CWF19L1: variants seen among roughly 807,000 people sequenced by gnomAD.
CWF19L1 encodes CWF19 like cell cycle control factor 1, also known as CWF19-like protein 1.
In CWF19L1, 60 loss-of-function variants were observed where a neutral mutation model predicts 69.7. The ratio of observed to expected loss-of-function variants is 0.86; its 90% confidence interval spans 0.70 to 1.07. The LOEUF is 1.07. CWF19L1 is among the 50% of genes least tolerant of loss of function. CWF19L1 has a pLI of 0.00. For synonymous variants in CWF19L1, 209 were observed against 222.2 expected (o/e 0.94, Z 0.53); for missense variants, 591 against 638.9 (o/e 0.92, Z 0.81).
intron 7 of CWF19L1, chr10:100,248,633 T>G: frequency 1.3e-6 from 1 of 764,016 alleles, no homozygotes; most frequent in Admixed American, 1.8e-5. Flanking sequence ...ACTACTGAGA[T>G]CCTCAAGTCA....
In CWF19L1 at chr10:100,267,611, G is replaced by A. The variant is rs2134336225; in HGVS notation, c.-18C>T. ...TGTGCCATCTGTCCGAATAGTATGG[G>A]TTGCGACTGCCACCTAAAATTGGGA... On this transcript the variant is annotated 5_prime_UTR_variant, in exon 1 of 14. Transcript: ENST00000354105. The A allele has an allele frequency of 6.2e-7, 1 of 1,614,172 alleles. No individual in the cohort carries two copies. Among genetic ancestry groups the A allele is most frequent in the Non-Finnish European group, 8.5e-7 (1 of 1,180,020 alleles).
chr10:100,258,493 T>C (rs1847285761), intron 4 of CWF19L1: 1 of 152,182 alleles, frequency 6.6e-6, no homozygotes, highest in Admixed American at 6.5e-5. Flanking sequence ...TACCAAGAAC[T>C]GCATAAGTCA....
intron 10 of CWF19L1, among the ~76,000 whole-genome samples, chr10:100,242,932 A>G (rs1846683174): frequency 6.6e-6 from 1 of 152,204 alleles, no homozygotes; most frequent in South Asian, 2.1e-4. Flanking sequence ...AGAGAGGAAA[A>G]GAGAGCTATC....
chr10:100,237,998 A>AGTTTCTATG, intron 11 of CWF19L1, 24 bp downstream of exon 11: 1 of 1,608,366 alleles, frequency 6.2e-7, no homozygotes. Context: ...CGCCCTTCCA[A>AGTTTCTATG]GTTTCTATGA....
intron 4 of CWF19L1, among the ~76,000 whole-genome samples, chr10:100,257,029 T>C (rs1456095730): frequency 2.0e-5 from 3 of 152,148 alleles, no homozygotes; most frequent in Non-Finnish European, 4.4e-5. Context: ...AACAAGTGTT[T>C]AGGAAAAATT....
intron 1 of CWF19L1, chr10:100,262,475 A>AGGAGGG (rs1335172638): frequency 1.0e-6 from 1 of 985,210 alleles, no homozygotes; most frequent in Non-Finnish European, 1.2e-6. Context: ...CTATCTTAGT[A>AGGAGGG]CAGGGCTTCA....
At chr10:100,248,986 G>A in intron 7 of CWF19L1, 2 of 679,726 alleles carry the variant, frequency 2.9e-6, no homozygotes, top group Non-Finnish European at 5.4e-6. Context: ...GCTGGAAGCT[G>A]TGGAGGACAT....
chr10:100,257,154 C>G (rs1320071558), intron 4 of CWF19L1, among the ~76,000 whole-genome samples: 1 of 152,196 alleles, frequency 6.6e-6, no homozygotes, highest in Non-Finnish European at 1.5e-5. Flanking sequence ...TCTACTGAGT[C>G]TACTCAGCTG....
At chr10:100,261,488 C>T (rs985640699) in intron 2 of CWF19L1, among the ~76,000 whole-genome samples, 1 of 152,212 alleles carries the variant, frequency 6.6e-6, no homozygotes, top group Admixed American at 6.5e-5. Flanking sequence ...ACATTTCCTG[C>T]CTGTTGTCTT....
chr10:100,264,379 A>T lies in CWF19L1; in HGVS notation c.24-2316T>A, dbSNP rs1048270325. 7.9e-5 allele frequency among the ~76,000 whole-genome samples: 12 copies of T among 151,988 alleles called. No homozygotes were observed. In the East Asian group the frequency reaches 2.3e-3, roughly 29 times the overall value. ...GTTAACACAGTGAAACCTCATCTCT[A>T]CTAAAAATACAAAAAATTAGCCGGG... On this transcript the variant is annotated intron_variant, in intron 1 of 13. Coordinates refer to ENST00000354105, the MANE Select transcript of CWF19L1 (RefSeq NM_018294.6).
At chr10:100,243,080 A>G (rs1589615562) in intron 10 of CWF19L1, among the ~76,000 whole-genome samples, 1 of 152,356 alleles carries the variant, frequency 6.6e-6, no homozygotes, top group African/African-American at 2.4e-5. Context: ...AGTTAAACAT[A>G]AATTTACTAT....
In CWF19L1 at chr10:100,250,340, A is replaced by G. The variant is rs1846983900; in HGVS notation, c.624-8T>C. 4 of 1,589,488 alleles carry G rather than the reference A, an allele frequency of 2.5e-6. No homozygotes were observed. The highest frequency in any genetic ancestry group is 1.1e-5 in the South Asian group (1 of 90,512). On this transcript the variant is annotated splice_region_variant and splice_polypyrimidine_tract_variant and intron_variant, in intron 6 of 13. Transcript: ENST00000354105. ...TGTAGAATGATATGGTTTCTACAAC[A>G]TATTTGAGAGACAAAAAATTGCAAA...
At chr10:100,250,968 A>T (rs1020609493) in intron 6 of CWF19L1, among the ~76,000 whole-genome samples, 1 of 152,054 alleles carries the variant, frequency 6.6e-6, no homozygotes, top group Non-Finnish European at 1.5e-5. Flanking sequence ...AATTAAAAAA[A>T]AAAAAAATGT....
At chr10:100,248,855 C>A in intron 7 of CWF19L1, 4 of 1,132,026 alleles carry the variant, frequency 3.5e-6, no homozygotes, top group Non-Finnish European at 5.3e-6. Flanking sequence ...AGATTTGTGG[C>A]AGAAAAGGCT....
At chr10:100,264,349 T>C (rs936007201) in intron 1 of CWF19L1, among the ~76,000 whole-genome samples, 1 of 151,932 alleles carries the variant, frequency 6.6e-6, no homozygotes, top group Non-Finnish European at 1.5e-5. Flanking sequence ...CTCGAGACCA[T>C]CCTGGTTAAC....
chr10:100,238,837 CAGG>C (rs1418772991), intron 10 of CWF19L1, among the ~76,000 whole-genome samples: 1 of 148,700 alleles, frequency 6.7e-6, no homozygotes, highest in African/African-American at 2.5e-5. Context: ...GAGGCTGAGA[CAGG>C]AGAATTGCTT....
At chr10:100,245,408 T>C (rs1024165271) in intron 9 of CWF19L1, among the ~76,000 whole-genome samples, 1 of 152,126 alleles carries the variant, frequency 6.6e-6, no homozygotes, top group Non-Finnish European at 1.5e-5. Flanking sequence ...TAAATGGTAA[T>C]TAGCAAAAGG....
At chr10:100,254,158 CT>C (rs66864470) in intron 5 of CWF19L1, 9,054 of 152,388 alleles carry the variant, frequency 0.059, 292 homozygotes, top group African/African-American at 0.085. Context: ...GCGTGAGCCA[CT>C]GCGCCCAGCC....
chr10:100,246,625 A>T (rs368123315), intron 8 of CWF19L1, among the ~76,000 whole-genome samples, 170 bp downstream of exon 8: 1 of 152,230 alleles, frequency 6.6e-6, no homozygotes, highest in Non-Finnish European at 1.5e-5. Context: ...CCAAACTACA[A>T]TAAAAAACAC....
Sources: gnomAD v4.1 joint callset for allele counts (sites outside exome capture counted in the v4.1 genomes callset) on GRCh38, gnomAD v4.1.1 for gene constraint, MANE v1.5 for transcripts, NCBI Gene and HGNC (gene_info 2026-07-23, HGNC 2026-07-21) for gene names.